The following RIMS2 variants were observed in gnomAD, a reference collection of about 807,000 sequenced individuals.
The protein encoded by RIMS2 is regulating synaptic membrane exocytosis protein 2.
In RIMS2, 59 loss-of-function variants were observed where a neutral mutation model predicts 174.4. That is an observed-to-expected ratio of 0.34 (90% confidence interval 0.27 to 0.42). RIMS2 has a LOEUF of 0.42. Among genes scored for constraint, RIMS2 ranks in the 10% least tolerant of loss-of-function variants. The pLI is 1.00. For synonymous variants in RIMS2, 606 were observed against 572.5 expected (o/e 1.06, Z -0.84); for missense variants, 1,620 against 1,666.3 (o/e 0.97, Z 0.48).
intron 19 of RIMS2, among the ~76,000 whole-genome samples, chr8:104,114,875 A>C (rs2098254990): frequency 6.6e-6 from 1 of 151,970 alleles, no homozygotes; most frequent in Non-Finnish European, 1.5e-5. Flanking sequence ...TTTAATTTTT[A>C]AGCTTTAATA....
At chr8:103,510,511 G>A (rs1825925839) in intron 1 of RIMS2, among the ~76,000 whole-genome samples, 1 of 152,126 alleles carries the variant, frequency 6.6e-6, no homozygotes, top group South Asian at 2.1e-4. Flanking sequence ...CATTTGGGTT[G>A]TTGAAAGAAT....
rs751678327 is a variant in RIMS2 at position 104,245,071 on chromosome 8, C to T, written c.3476+14C>T. Reference sequence around the variant, plus strand: ...CTCAGAAGGAAAGTGAGTGAGGCTGCATGTGATGTGTGTCTCCTCCGTGCC... The same window carrying T: ...CTCAGAAGGAAAGTGAGTGAGGCTGTATGTGATGTGTGTCTCCTCCGTGCC... On this transcript the variant is annotated intron_variant, in intron 20 of 23. Coordinates refer to ENST00000504942, the Ensembl canonical transcript of RIMS2. 4 of 1,612,548 alleles carry T rather than the reference C, an allele frequency of 2.5e-6. No individual in the cohort carries two copies. The Admixed American group carries it at 6.7e-5, about 27-fold the overall frequency.
chr8:104,222,233 G>A (rs1289561476), intron 19 of RIMS2, among the ~76,000 whole-genome samples: 4 of 151,992 alleles, frequency 2.6e-5, no homozygotes, highest in Non-Finnish European at 5.9e-5. Flanking sequence ...CTTCATGAGA[G>A]CAGGGATTTT....
At chr8:104,229,433 A>G (rs1015824675) in intron 19 of RIMS2, among the ~76,000 whole-genome samples, 4 of 152,190 alleles carry the variant, frequency 2.6e-5, no homozygotes, top group Non-Finnish European at 5.9e-5. Flanking sequence ...GTTTGGAAGT[A>G]TCACTCTTTA....
intron 19 of RIMS2, among the ~76,000 whole-genome samples, chr8:104,145,495 T>C (rs534444195): frequency 5.4e-5 from 8 of 148,386 alleles, no homozygotes; most frequent in Non-Finnish European, 1.0e-4. Flanking sequence ...CTTTAAACAC[T>C]TTTTCAAAAA....
In RIMS2 at chr8:103,973,295, A is replaced by T. The variant is rs906349678; in HGVS notation, c.2771-2055A>T. 1.1e-4 allele frequency among the ~76,000 whole-genome samples: 17 copies of T among 152,080 alleles called. 1 individual carries two copies. The East Asian group carries it at 3.3e-3, about 29-fold the overall frequency. On this transcript the variant is annotated intron_variant, in intron 15 of 23. Transcript: ENST00000504942. The stretch of plus-strand genomic sequence containing the variant: ...GTTTTCTCAAATGGAAATGGAGGTA[A>T]TATCTTGGCAGAGTTGTTTTGTATT...
rs897063283 is a variant in RIMS2 at position 103,933,097 on chromosome 8, C to G, written c.2375+1704C>G. Among the ~76,000 whole-genome samples, 59 of 152,026 alleles carry G rather than the reference C, an allele frequency of 3.9e-4. 1 individual carries two copies. The highest frequency in any genetic ancestry group is 1.3e-3 in the African/African-American group (55 of 41,386). On this transcript the variant is annotated intron_variant, in intron 12 of 23. Coordinates refer to ENST00000504942, the Ensembl canonical transcript of RIMS2. ...CACGAGGTCAGGAGATCGAGCCCAT[C>G]CTGGCTAACAAGGTGAAACCCCGTC...
chr8:103,519,007 C>T (rs1293884354), intron 1 of RIMS2, among the ~76,000 whole-genome samples: 1 of 152,074 alleles, frequency 6.6e-6, no homozygotes, highest in Non-Finnish European at 1.5e-5. Flanking sequence ...TTTGCATACA[C>T]GGTCCTTCAC....
chr8:103,797,589 T>C (rs2098558104), intron 3 of RIMS2, among the ~76,000 whole-genome samples: 1 of 152,230 alleles, frequency 6.6e-6, no homozygotes, highest in Non-Finnish European at 1.5e-5. Context: ...CCCCAATGTC[T>C]TTGTGAAACC....
At chr8:104,096,719 T>C (rs1232469696) in intron 19 of RIMS2, among the ~76,000 whole-genome samples, 2 of 151,670 alleles carry the variant, frequency 1.3e-5, no homozygotes, top group African/African-American at 4.8e-5. Flanking sequence ...AGTACAAAAA[T>C]TAGCTGGGCG....
chr8:103,535,094 A>G (rs1242237879), intron 1 of RIMS2, among the ~76,000 whole-genome samples: 1 of 152,232 alleles, frequency 6.6e-6, no homozygotes, highest in Non-Finnish European at 1.5e-5. Flanking sequence ...ATTGTTATTT[A>G]CGACTTTAGA....
Position 104,058,210 on chromosome 8 carries a change from C to T in RIMS2, c.3334+43595C>T, listed in dbSNP as rs548071130. 2.1e-3 allele frequency among the ~76,000 whole-genome samples: 322 copies of T among 150,786 alleles called. 1 individual carries two copies. The highest frequency in any genetic ancestry group is 7.7e-3 in the African/African-American group (316 of 40,878). On this transcript the variant is annotated intron_variant, in intron 19 of 23. Transcript: ENST00000504942. ...ACAGTGTAAAAGTGTTCCTAATTCT[C>T]CACATCCTCTCCAGCACCTGTTGTT...
intron 10 of RIMS2, chr8:103,927,786 C>A: frequency 2.6e-6 from 3 of 1,167,130 alleles, no homozygotes; most frequent in South Asian, 2.6e-5. Flanking sequence ...TTAGTTCCAG[C>A]GTGTTGTCCT....
intron 4 of RIMS2, among the ~76,000 whole-genome samples, chr8:103,893,062 T>A (rs527319580): frequency 6.6e-6 from 1 of 152,200 alleles, no homozygotes; most frequent in South Asian, 2.1e-4. Flanking sequence ...TGAAAAAGCA[T>A]TGAAATAGCA....
intron 3 of RIMS2, among the ~76,000 whole-genome samples, chr8:103,788,126 C>T (rs1215613048): frequency 3.3e-5 from 5 of 150,578 alleles, no homozygotes; most frequent in Admixed American, 6.6e-5. Flanking sequence ...CTCCATCAGC[C>T]CCTTTAAGCA....
At chr8:104,077,468 TC>T (rs1294164053) in intron 19 of RIMS2, among the ~76,000 whole-genome samples, 1 of 151,650 alleles carries the variant, frequency 6.6e-6, no homozygotes, top group Non-Finnish European at 1.5e-5. Flanking sequence ...AAATGATTTG[TC>T]TTTTTTGCAA....
At chr8:103,868,856 T>G (rs935817047) in intron 3 of RIMS2, among the ~76,000 whole-genome samples, 2 of 152,138 alleles carry the variant, frequency 1.3e-5, no homozygotes, top group African/African-American at 4.8e-5. Context: ...CCTATAGTGG[T>G]ATAAGACATA....
At chr8:104,045,676 T>G (rs965170578) in intron 19 of RIMS2, among the ~76,000 whole-genome samples, 6 of 151,784 alleles carry the variant, frequency 4.0e-5, no homozygotes, top group Non-Finnish European at 1.5e-5. Flanking sequence ...CTTAGATCAA[T>G]TATTATTATT....
rs2096922569 is a variant in RIMS2, at chr8:104,058,827, T to A, written c.3334+44212T>A. On this transcript the variant is annotated intron_variant, in intron 19 of 23. Coordinates refer to ENST00000504942, the Ensembl canonical transcript of RIMS2. The stretch of plus-strand genomic sequence containing the variant: ...CCAGCACCATTTATTAAATAGGGAA[T>A]CCTTTCCCCATTGCTTGTTTTTCTC... Among the ~76,000 whole-genome samples, 3 of 152,232 alleles carry A rather than the reference T, an allele frequency of 2.0e-5. 1 individual carries two copies. In the South Asian group the frequency reaches 6.2e-4, roughly 31 times the overall value.
Sources: allele counts gnomAD v4.1 joint callset (sites outside exome capture counted in the v4.1 genomes callset), GRCh38; gene constraint gnomAD v4.1.1; transcripts MANE v1.5; gene names NCBI Gene and HGNC (gene_info 2026-07-23, HGNC 2026-07-21).